Variants in TXNDC16 observed in about 807,000 individuals in gnomAD.
The protein encoded by TXNDC16 is thioredoxin domain-containing protein 16.
TXNDC16 carries 74 observed loss-of-function variants against 85.6 expected under a neutral mutation model. The ratio of observed to expected loss-of-function variants is 0.86; its 90% CI spans 0.72 to 1.05. The LOEUF is 1.05. Ranked by LOEUF, TXNDC16 falls within the 50% of genes least tolerant of loss-of-function variation. The pLI, the probability that TXNDC16 is intolerant of heterozygous loss-of-function variation, is 0.00. For synonymous variants in TXNDC16, 335 were observed against 326.5 expected (o/e 1.03, Z -0.28); for missense variants, 959 against 947.0 (o/e 1.01, Z -0.17).
intron 16 of TXNDC16, among the ~76,000 whole-genome samples, chr14:52,463,983 C>G (rs747646085): frequency 5.3e-5 from 8 of 152,132 alleles, no homozygotes; most frequent in Admixed American, 4.6e-4. Flanking sequence ...TCAATCCAGT[C>G]AAATAATGAA....
chr14:52,465,309 T>C (rs1242956991), intron 16 of TXNDC16, among the ~76,000 whole-genome samples: 1 of 151,976 alleles, frequency 6.6e-6, no homozygotes, highest in East Asian at 1.9e-4. Flanking sequence ...GAAGTAAACA[T>C]TGGCCAGGCG....
chr14:52,493,857 T>C (rs1232062138), intron 9 of TXNDC16, among the ~76,000 whole-genome samples: 1 of 151,982 alleles, frequency 6.6e-6, no homozygotes, highest in Non-Finnish European at 1.5e-5. Context: ...CAGCTCACTG[T>C]AACCTCTGTC....
At chr14:52,475,306 G>A (rs2035995952) in intron 14 of TXNDC16, among the ~76,000 whole-genome samples, 3 of 152,232 alleles carry the variant, frequency 2.0e-5, no homozygotes, top group Admixed American at 2.0e-4. Context: ...TGAACCAATC[G>A]AAGAGTCTCC....
chr14:52,502,598 G>C (rs2036684919), intron 9 of TXNDC16, among the ~76,000 whole-genome samples: 1 of 152,138 alleles, frequency 6.6e-6, no homozygotes, highest in Admixed American at 6.6e-5. Flanking sequence ...GGGGGGTGGA[G>C]CCAAGATGGC....
intron 7 of TXNDC16, among the ~76,000 whole-genome samples, chr14:52,516,423 T>TTCCATTTCTAGTACAGCAA (rs1282843010): frequency 6.6e-6 from 1 of 152,232 alleles, no homozygotes; most frequent in Non-Finnish European, 1.5e-5. Context: ...CTCCATTTCC[T>TTCCATTTCTAGTACAGCAA]TCCATTTCTA....
At chr14:52,473,611 T>C (rs1390851097) in intron 14 of TXNDC16, among the ~76,000 whole-genome samples, 1 of 152,220 alleles carries the variant, frequency 6.6e-6, no homozygotes, top group African/African-American at 2.4e-5. Flanking sequence ...TTCCAATATT[T>C]ACTCATGTTT....
At chr14:52,458,081 A>G (rs1167079149) in intron 16 of TXNDC16, among the ~76,000 whole-genome samples, 7 of 152,256 alleles carry the variant, frequency 4.6e-5, no homozygotes, top group African/African-American at 1.7e-4. Context: ...TCTGTACCTC[A>G]GCAGTCAGCA....
intron 5 of TXNDC16, 33 bp downstream of exon 5, chr14:52,537,566 T>C (rs2037731773): frequency 1.4e-6 from 2 of 1,411,002 alleles, no homozygotes; most frequent in Non-Finnish European, 2.0e-6. Context: ...TATAGCTTTG[T>C]ATTTGTCCAG....
chr14:52,437,491 G>A (rs762562391), intron 20 of TXNDC16, among the ~76,000 whole-genome samples: 31 of 152,010 alleles, frequency 2.0e-4, no homozygotes, highest in Non-Finnish European at 4.0e-4. Flanking sequence ...CAGGATATTG[G>A]ACTGGGCAAA....
intron 1 of TXNDC16, among the ~76,000 whole-genome samples, chr14:52,549,838 T>C (rs962835265): frequency 2.0e-5 from 3 of 152,078 alleles, no homozygotes; most frequent in East Asian, 3.9e-4. Context: ...GGGGTTTCAC[T>C]GTGTTAGCCA....
At chr14:52,504,779 T>C (rs905802204) in intron 9 of TXNDC16, among the ~76,000 whole-genome samples, 4 of 152,114 alleles carry the variant, frequency 2.6e-5, no homozygotes, top group Admixed American at 1.3e-4. Flanking sequence ...GCCTGGCAAA[T>C]TGGATAAAGA....
chr14:52,550,245 C>G (rs1295467087), intron 1 of TXNDC16, among the ~76,000 whole-genome samples: 1 of 152,174 alleles, frequency 6.6e-6, no homozygotes, highest in African/African-American at 2.4e-5. Flanking sequence ...TATTTTGCAA[C>G]AAATGGAGTA....
At chr14:52,520,407 A>T (rs1162185960) in intron 6 of TXNDC16, among the ~76,000 whole-genome samples, 1 of 152,148 alleles carries the variant, frequency 6.6e-6, no homozygotes, top group Non-Finnish European at 1.5e-5. Flanking sequence ...GCGGATCACG[A>T]GGTCAGGAGA....
intron 6 of TXNDC16, among the ~76,000 whole-genome samples, chr14:52,528,890 A>C (rs1368801682): frequency 6.8e-6 from 1 of 147,478 alleles, no homozygotes; most frequent in Admixed American, 6.8e-5. Context: ...TATTATCTAT[A>C]ATACCTATTA....
At chr14:52,469,773 A>T (rs1319093843) in intron 16 of TXNDC16, among the ~76,000 whole-genome samples, 1 of 152,182 alleles carries the variant, frequency 6.6e-6, no homozygotes, top group African/African-American at 2.4e-5. Context: ...AAAACGCAAG[A>T]TTCTAACCTA....
intron 4 of TXNDC16, among the ~76,000 whole-genome samples, chr14:52,540,744 T>A (rs1208718515): frequency 1.3e-5 from 2 of 152,234 alleles, no homozygotes; most frequent in African/African-American, 4.8e-5. Context: ...TTATTTAGGA[T>A]ATAAACTCTC....
At chr14:52,472,322 C>T (rs2035926279) in intron 14 of TXNDC16, among the ~76,000 whole-genome samples, 1 of 151,952 alleles carries the variant, frequency 6.6e-6, no homozygotes, top group Admixed American at 6.6e-5. Context: ...CTCAGCCTCC[C>T]GAGTAGCTGG....
At chr14:52,514,826 G>A in intron 8 of TXNDC16, 54 bp downstream of exon 8, 2 of 1,334,648 alleles carry the variant, frequency 1.5e-6, no homozygotes, top group Non-Finnish European at 1.1e-6. Flanking sequence ...TGCGAAATAA[G>A]TGAAGAAGAA....
Position 52,493,202 on chromosome 14 carries a change from T to TACAC in TXNDC16, c.757-2198_757-2197insGTGT, listed in dbSNP as rs1238441233. 3.1e-5 allele frequency among the ~76,000 whole-genome samples: 4 copies of TACAC among 127,854 alleles called. No homozygotes were observed. In the East Asian group the frequency reaches 6.6e-4, roughly 21 times the overall value. The allele number at this position is 127,854 out of a possible 152,430, so 83.9% of individuals were successfully genotyped here. ...AACACATGTCACTGTTCTATATATA[T>TACAC]ATATATATATATATACACACACACA... is the stretch of plus-strand genomic sequence containing the variant. On this transcript the variant is annotated intron_variant, in intron 9 of 20. Transcript: ENST00000281741.
Sources: allele counts gnomAD v4.1 joint callset (sites outside exome capture counted in the v4.1 genomes callset), GRCh38; gene constraint gnomAD v4.1.1; transcripts MANE v1.5; gene names NCBI Gene and HGNC (gene_info 2026-07-23, HGNC 2026-07-21).